The following FBXL7 variants were observed in gnomAD, a reference collection of about 807,000 sequenced individuals.
FBXL7 encodes F-box and leucine rich repeat protein 7, also known as F-box/LRR-repeat protein 7.
FBXL7 carries 12 observed loss-of-function variants against 38.3 expected under a neutral mutation model. That is an observed-to-expected ratio of 0.31 (90% CI 0.20 to 0.51). The LOEUF (loss-of-function observed/expected upper bound fraction) is 0.51. Among genes scored for constraint, FBXL7 ranks in the 20% least tolerant of loss-of-function variants. The pLI, the probability that FBXL7 is intolerant of heterozygous loss-of-function variation, is 0.98. For synonymous variants in FBXL7, 297 were observed against 300.9 expected (o/e 0.99, Z 0.13); for missense variants, 567 against 676.4 (o/e 0.84, Z 1.79).
intron 1 of FBXL7, among the ~76,000 whole-genome samples, chr5:15,556,093 A>G (rs1219264228): frequency 1.3e-5 from 2 of 151,182 alleles, no homozygotes; most frequent in Non-Finnish European, 2.9e-5. Flanking sequence ...TCATCTATCT[A>G]TCTACCTATC....
intron 1 of FBXL7, among the ~76,000 whole-genome samples, chr5:15,585,801 C>T (rs917632279): frequency 2.6e-5 from 4 of 152,226 alleles, no homozygotes; most frequent in African/African-American, 4.8e-5. Context: ...CATTGGTATG[C>T]ATTACACATG....
At chr5:15,513,556 T>C (rs1736856970) in intron 1 of FBXL7, among the ~76,000 whole-genome samples, 1 of 152,166 alleles carries the variant, frequency 6.6e-6, no homozygotes, top group Non-Finnish European at 1.5e-5. Context: ...CTGTATGTTT[T>C]AGTTTGTTTC....
intron 2 of FBXL7, among the ~76,000 whole-genome samples, chr5:15,894,254 T>C (rs1741025701): frequency 6.6e-6 from 1 of 152,156 alleles, no homozygotes; most frequent in African/African-American, 2.4e-5. Flanking sequence ...AGAGTAAAAC[T>C]CTGTCTCAAA....
chr5:15,672,059 TA>T (rs1561079073), intron 2 of FBXL7, among the ~76,000 whole-genome samples: 13 of 152,194 alleles, frequency 8.5e-5, no homozygotes. Flanking sequence ...CAAAATTAGA[TA>T]AAAGCAACCT....
intron 2 of FBXL7, among the ~76,000 whole-genome samples, chr5:15,824,290 C>A (rs146715985): frequency 3.4e-5 from 4 of 116,174 alleles, no homozygotes; most frequent in African/African-American, 1.2e-4. Flanking sequence ...AGCAAGACTC[C>A]GTCTCAAAAA....
At chr5:15,912,970 T>G (rs1470468138) in intron 2 of FBXL7, among the ~76,000 whole-genome samples, 1 of 152,162 alleles carries the variant, frequency 6.6e-6, no homozygotes, top group Non-Finnish European at 1.5e-5. Flanking sequence ...GAGAGACCCT[T>G]AGCAGAGAAA....
chr5:15,659,054 C>A lies in FBXL7; in HGVS notation c.127+42982C>A, dbSNP rs150573759. On this transcript the variant is annotated intron_variant, in intron 2 of 3. Transcript: ENST00000504595. Reference sequence around the variant, plus strand: ...TTAAGTTTCCTGAGGCTTCCCAAGTCATGCTGAAGTGTGAATCAGTTAAAC... The same window carrying A: ...TTAAGTTTCCTGAGGCTTCCCAAGTAATGCTGAAGTGTGAATCAGTTAAAC... Among the ~76,000 whole-genome samples the A allele has an allele frequency of 2.8e-3, 427 of 152,272 alleles. 2 individuals carry two copies. Among genetic ancestry groups the A allele is most frequent in the African/African-American group, 9.8e-3 (408 of 41,558 alleles).
intron 2 of FBXL7, among the ~76,000 whole-genome samples, chr5:15,755,783 A>G (rs559246229): frequency 2.4e-4 from 36 of 152,328 alleles, no homozygotes; most frequent in African/African-American, 7.7e-4. Flanking sequence ...ATAGGAACTA[A>G]CCAGATGTTT....
intron 2 of FBXL7, among the ~76,000 whole-genome samples, chr5:15,759,297 A>T (rs1371993886): frequency 1.3e-5 from 2 of 152,208 alleles, no homozygotes; most frequent in Admixed American, 1.3e-4. Flanking sequence ...ATCCACAATT[A>T]ACATGGAATC....
chr5:15,707,209 G>T (rs1743715761), intron 2 of FBXL7, among the ~76,000 whole-genome samples: 2 of 74,766 alleles, frequency 2.7e-5, no homozygotes, highest in African/African-American at 5.0e-5. Flanking sequence ...CAAAGTGAAA[G>T]CAAGTTTATT....
chr5:15,788,046 G>A (rs778166331), intron 2 of FBXL7, among the ~76,000 whole-genome samples: 5 of 152,058 alleles, frequency 3.3e-5, no homozygotes, highest in Non-Finnish European at 5.9e-5. Flanking sequence ...AATTTATGGC[G>A]TTCCTTGACT....
At chr5:15,571,763 A>G (rs958164539) in intron 1 of FBXL7, among the ~76,000 whole-genome samples, 5 of 152,046 alleles carry the variant, frequency 3.3e-5, no homozygotes, top group Non-Finnish European at 7.4e-5. Context: ...ACTGGTGGAC[A>G]TGTGCCTTCT....
chr5:15,781,767 A>G (rs1186653954), intron 2 of FBXL7, among the ~76,000 whole-genome samples: 2 of 152,190 alleles, frequency 1.3e-5, no homozygotes, highest in Non-Finnish European at 2.9e-5. Context: ...ATTGCTATAA[A>G]GGAGAGTGTA....
intron 1 of FBXL7, among the ~76,000 whole-genome samples, chr5:15,572,949 A>G (rs901549513): frequency 6.6e-6 from 1 of 152,120 alleles, no homozygotes; most frequent in Non-Finnish European, 1.5e-5. Context: ...GTAAGCGTAG[A>G]ATTTTTCTTT....
chr5:15,806,558 A>C (rs1434816785), intron 2 of FBXL7, among the ~76,000 whole-genome samples: 1 of 152,144 alleles, frequency 6.6e-6, no homozygotes, highest in African/African-American at 2.4e-5. Context: ...AACAGCATGG[A>C]TTAATCTTCC....
chr5:15,928,028 A>T lies in FBXL7; in HGVS notation c.266A>T (p.His89Leu). The change falls in exon 3 of 4, where the codon CAC becomes CTC. Residue 89 changes from histidine to leucine, a missense_variant. Physicochemically the swap from His to Leu is moderately conservative, Grantham distance 99. Transcript: ENST00000504595. The surrounding 1 kb of genome is among the most constrained non-coding windows in gnomAD (Gnocchi z 4.0). ...ACCGGGGAGACGGTGGCCATGGTGC[A>T]CTCCCCGCCCCCGACCCGCCTCACA... ...SITGETVAMV[H>L]SPPPTRLTHP... The T allele has an allele frequency of 1.5e-6, 2 of 1,323,708 alleles. No homozygotes were observed. The highest frequency in any genetic ancestry group is 1.5e-5 in the African/African-American group (1 of 67,546). 82.0% of individuals were successfully genotyped at this position (1,323,708 alleles called of 1,614,324 possible).
chr5:15,669,672 C>T (rs960903894), intron 2 of FBXL7, among the ~76,000 whole-genome samples: 6 of 152,182 alleles, frequency 3.9e-5, no homozygotes, highest in African/African-American at 1.4e-4. Context: ...ATCACCCGTG[C>T]TCCCTCCCAC....
intron 2 of FBXL7, among the ~76,000 whole-genome samples, chr5:15,679,188 G>A (rs765064000): frequency 2.6e-5 from 4 of 152,112 alleles, no homozygotes; most frequent in East Asian, 1.9e-4. Context: ...AGCTATCTAC[G>A]CCTCTGCTGG....
In FBXL7 at chr5:15,897,308, G is replaced by A. The variant is rs73752371; in HGVS notation, c.128-30582G>A. On this transcript the variant is annotated intron_variant, in intron 2 of 3. Transcript: ENST00000504595. Reference sequence around the variant, plus strand: ...TTAAGGAACTAAATCTAACGCCTTTGTTCGTCTTACTCATTTATTCAACAA... The same window carrying A: ...TTAAGGAACTAAATCTAACGCCTTTATTCGTCTTACTCATTTATTCAACAA... 7.0e-3 allele frequency among the ~76,000 whole-genome samples: 1,063 copies of A among 152,246 alleles called. 19 individuals are homozygous for A. Among genetic ancestry groups the A allele is most frequent in the African/African-American group, 0.024 (1,009 of 41,536 alleles).
Sources: gnomAD v4.1 joint callset for allele counts (sites outside exome capture counted in the v4.1 genomes callset) on GRCh38, gnomAD v4.1.1 for gene constraint, Gnocchi (gnomAD v3.1) non-coding constraint, MANE v1.5 for transcripts, NCBI Gene and HGNC (gene_info 2026-07-23, HGNC 2026-07-21) for gene names.